Variants in HPDL observed in about 807,000 individuals in gnomAD.
The protein encoded by HPDL is 4-hydroxyphenylpyruvate dioxygenase like.
Under a neutral mutation model 9.8 loss-of-function variants are expected in HPDL, and 7 were observed. The ratio of observed to expected loss-of-function variants is 0.71; its 90% confidence interval spans 0.41 to 1.34. The LOEUF (loss-of-function observed/expected upper bound fraction) is 1.34. HPDL is among the 40% of genes most tolerant of loss of function. HPDL has a pLI of 0.01. For missense variants in HPDL, 530 were observed against 495.1 expected (o/e 1.07, Z -0.67); for synonymous variants, 250 against 228.2 (o/e 1.10, Z -0.86).
chr1:45,327,702 G>C lies in HPDL; in HGVS notation c.554G>C (p.Gly185Ala), dbSNP rs1644253900. The C allele has an allele frequency of 6.2e-7, 1 of 1,610,914 alleles. No homozygotes were observed. The highest frequency in any genetic ancestry group is 1.3e-5 in the African/African-American group (1 of 74,904). ...TLLRWFHDCL[G>A]FCHLPLSPGE... ...TTGCGCTGGTTCCACGACTGCCTGG[G>C]CTTTTGCCACTTGCCGCTGAGCCCA... Residue 185 changes from glycine (G) to alanine (A), a missense_variant, in exon 1 of 1, where the codon GGC (glycine) becomes GCC (alanine). Coordinates refer to ENST00000334815, the MANE Select transcript of HPDL (RefSeq NM_032756.4). The surrounding 1 kb of genome is among the most constrained non-coding windows in gnomAD (Gnocchi z 6.3).
At position 45,327,474 on chromosome 1, in the gene HPDL, T is replaced by C. The variant is rs541194557; in HGVS notation, c.326T>C (p.Val109Ala). Residue 109 changes from valine (V) to alanine (A), a missense_variant, in exon 1 of 1, where the codon GTG becomes GCG. Val to Ala is a moderately conservative substitution (Grantham distance 64). Coordinates refer to ENST00000334815, the MANE Select transcript of HPDL (RefSeq NM_032756.4). This position sits in a 1 kb window ranked among gnomAD's most constrained non-coding sequence, Gnocchi z 6.3. ...AGCGTGCCTGTCCCTCCCGTTCGCG[T>C]GCGGGACGCGCAGGGTGCCGCCACT... is the stretch of plus-strand genomic sequence containing the variant. ...GCSVPVPPVR[V>A]RDAQGAATYA... The C allele has an allele frequency of 6.3e-7, 1 of 1,592,666 alleles. No individual in the cohort carries two copies. Among genetic ancestry groups the C allele is most frequent in the African/African-American group, 1.3e-5 (1 of 74,780 alleles).
chr1:45,328,436 AAG>A lies in HPDL; in HGVS notation c.*175_*176del. 1 of 622,310 alleles carries A rather than the reference AAG, an allele frequency of 1.6e-6. No individual in the cohort carries two copies. The allele number at this position is 622,310 out of a possible 1,614,324, so 38.5% of individuals were successfully genotyped here. On this transcript the variant is annotated 3_prime_UTR_variant, in exon 1 of 1. Coordinates refer to ENST00000334815, the MANE Select transcript of HPDL (RefSeq NM_032756.4). ...AAGCTGTGTCTCTCATTGGGCTCCA[AAG>A]AGGTGGGATTTTTTAAAACTAAAAC...
At position 45,327,516 on chromosome 1, in the gene HPDL, C is replaced by G; in HGVS notation, c.368C>G (p.Ser123Trp). The stretch of plus-strand genomic sequence containing the variant: ...GCCGCCACTTACGCCGTGGTCAGCT[C>G]GCCTGCCGGCATCCTCAGCCTGACC... ...QGAATYAVVS[S>W]PAGILSLTLL... Residue 123 changes from serine to tryptophan, a missense_variant, in exon 1 of 1, where the codon TCG becomes TGG. Ser to Trp is a radical substitution (Grantham distance 177). Coordinates refer to ENST00000334815, the MANE Select transcript of HPDL (RefSeq NM_032756.4). The surrounding 1 kb of genome is among the most constrained non-coding windows in gnomAD (Gnocchi z 6.3). 6.2e-7 allele frequency: 1 copy of G among 1,602,602 alleles called. No individual in the cohort carries two copies. The highest frequency in any genetic ancestry group is 8.5e-7 in the Non-Finnish European group (1 of 1,178,924).
chr1:45,327,669 C>T lies in HPDL; in HGVS notation c.521C>T (p.Pro174Leu), dbSNP rs748374296. The change falls in exon 1 of 1, where the codon CCC becomes CTC. Residue 174 changes from proline to leucine, a missense_variant. Physicochemically the swap from Pro to Leu is moderately conservative, Grantham distance 98. Transcript: ENST00000334815. This position sits in a 1 kb window ranked among gnomAD's most constrained non-coding sequence, Gnocchi z 6.3. ...TTGGCCTGCACCCCCGGCAGCTCCCCCACACTTTTGCGCTGGTTCCACGAC... is the reference window on the plus strand; with the variant it reads ...TTGGCCTGCACCCCCGGCAGCTCCCTCACACTTTTGCGCTGGTTCCACGAC... The part of the protein sequence containing the change: ...LTLACTPGSS[P>L]TLLRWFHDCL... 1 of 1,610,962 alleles carries T rather than the reference C, an allele frequency of 6.2e-7. No individual in the cohort carries two copies. Among genetic ancestry groups the T allele is most frequent in the Non-Finnish European group, 8.5e-7 (1 of 1,178,116 alleles).
rs1412382179 is a variant in HPDL, at chr1:45,327,427, G to A, written c.279G>A (p.Arg93=). 3.2e-6 allele frequency: 5 copies of A among 1,585,936 alleles called. No individual in the cohort carries two copies. The East Asian group carries it at 1.1e-4, about 36-fold the overall frequency. ...TGGCGGACGCCGGCGCTGCAACCCG[G>A]GAGCTGGCAGCGCTGGGCTGCAGCG... is the stretch of plus-strand genomic sequence containing the variant. ...FDVADAGAAT[R]ELAALGCSVP... Residue 93 remains arginine (R), a synonymous_variant, in exon 1 of 1, where the codon CGG becomes CGA. Coordinates refer to ENST00000334815, the MANE Select transcript of HPDL (RefSeq NM_032756.4). The surrounding 1 kb of genome is among the most constrained non-coding windows in gnomAD (Gnocchi z 6.3).
In HPDL at chr1:45,328,021, A is replaced by G; in HGVS notation, c.873A>G (p.Pro291=). 3 of 1,613,972 alleles carry G rather than the reference A, an allele frequency of 1.9e-6. No homozygotes were observed. The highest frequency in any genetic ancestry group is 2.5e-6 in the Non-Finnish European group (3 of 1,179,822). ...LAPPGAYYQQ[P]GKERQIRAAG... is the part of the protein sequence containing the mutation. ...CCCCTGGGGCATACTACCAGCAGCC[A>G]GGAAAGGAGAGGCAGATCCGAGCTG... The change falls in exon 1 of 1, where the codon CCA becomes CCG. Residue 291 remains proline (P), a synonymous_variant. Coordinates refer to ENST00000334815, the MANE Select transcript of HPDL (RefSeq NM_032756.4).
Position 45,328,229 on chromosome 1 carries a change from G to C in HPDL, c.1081G>C (p.Val361Leu). ...QGNIRALWQS[V>L]QEQSARSQEA ...CAACATCAGAGCTCTGTGGCAGTCC[G>C]TACAGGAGCAATCTGCCAGGAGCCA... Residue 361 changes from valine to leucine, a missense_variant, in exon 1 of 1, where the codon GTA (valine) becomes CTA (leucine). By Grantham distance (32) the Val-to-Leu change is conservative. Coordinates refer to ENST00000334815, the MANE Select transcript of HPDL (RefSeq NM_032756.4). The C allele has an allele frequency of 6.2e-7, 1 of 1,614,144 alleles. No individual in the cohort carries two copies. Among genetic ancestry groups the C allele is most frequent in the Non-Finnish European group, 8.5e-7 (1 of 1,179,960 alleles).
chr1:45,327,382 C>T lies in HPDL; in HGVS notation c.234C>T (p.Ala78=), dbSNP rs1312769146. ...GLDPRHAVPS[A]TNLCFDVADA... Reference sequence around the variant, plus strand: ...ATCCGCGTCACGCCGTGCCCAGCGCCACAAACCTGTGCTTCGACGTGGCGG... The same window carrying T: ...ATCCGCGTCACGCCGTGCCCAGCGCTACAAACCTGTGCTTCGACGTGGCGG... Residue 78 remains alanine (A), a synonymous_variant, in exon 1 of 1, where the codon GCC becomes GCT. Coordinates refer to ENST00000334815, the MANE Select transcript of HPDL (RefSeq NM_032756.4). This position sits in a 1 kb window ranked among gnomAD's most constrained non-coding sequence, Gnocchi z 6.3. 1.9e-6 allele frequency: 3 copies of T among 1,586,612 alleles called. No individual in the cohort carries two copies. The highest frequency in any genetic ancestry group is 1.7e-5 in the Admixed American group (1 of 57,650).
Position 45,327,729 on chromosome 1 carries a change from G to A in HPDL, c.581G>A (p.Gly194Asp), listed in dbSNP as rs142248628. 1.7e-5 allele frequency: 28 copies of A among 1,612,752 alleles called. No individual in the cohort carries two copies. Among genetic ancestry groups the A allele is most frequent in the Non-Finnish European group, 2.2e-5 (26 of 1,179,234 alleles). ...TTTTGCCACTTGCCGCTGAGCCCAG[G>A]TGAGGATCCCGAGCTGGGCCTCGAA... The part of the protein sequence containing the change: ...LGFCHLPLSP[G>D]EDPELGLEMT... Residue 194 changes from glycine to aspartate, a missense_variant, in exon 1 of 1, where the codon GGT (glycine) becomes GAT (aspartate). By Grantham distance (94) the Gly-to-Asp change is moderately conservative. Transcript: ENST00000334815. The surrounding 1 kb of genome is among the most constrained non-coding windows in gnomAD (Gnocchi z 6.3).
Position 45,328,547 on chromosome 1 carries a change from A to T in HPDL, c.*283A>T. On this transcript the variant is annotated 3_prime_UTR_variant, in exon 1 of 1. Coordinates refer to ENST00000334815, the MANE Select transcript of HPDL (RefSeq NM_032756.4). ...CACACTAGGAAATAGAACATAACCAATACTTTCGAGTCCTCCCTGTGTCCC... is the reference window on the plus strand; with the variant it reads ...CACACTAGGAAATAGAACATAACCATTACTTTCGAGTCCTCCCTGTGTCCC... The T allele has an allele frequency of 2.8e-6, 1 of 355,246 alleles. No individual in the cohort carries two copies. Among genetic ancestry groups the T allele is most frequent in the East Asian group, 4.8e-5 (1 of 20,808 alleles). 22.0% of individuals were successfully genotyped at this position (355,246 alleles called of 1,614,324 possible).
Position 45,328,057 on chromosome 1 carries a change from G to T in HPDL, c.909G>T (p.Glu303Asp). The T allele has an allele frequency of 6.2e-7, 1 of 1,614,260 alleles. No homozygotes were observed. The highest frequency in any genetic ancestry group is 8.5e-7 in the Non-Finnish European group (1 of 1,180,038). The stretch of plus-strand genomic sequence containing the variant: ...GGCAGATCCGAGCTGCAGGGCACGA[G>T]CCTCATCTGCTTGCTCGACAGGGGA... The part of the protein sequence containing the change: ...KERQIRAAGH[E>D]PHLLARQGIL... Residue 303 changes from glutamate to aspartate, a missense_variant, in exon 1 of 1, where the codon GAG (glutamate) becomes GAT (aspartate). Physicochemically the swap from Glu to Asp is conservative, Grantham distance 45. Transcript: ENST00000334815.
At position 45,327,055 on chromosome 1, in the gene HPDL, T is replaced by G; in HGVS notation, c.-94T>G. The G allele has an allele frequency of 7.5e-7, 1 of 1,337,804 alleles. No homozygotes were observed. 82.9% of individuals were successfully genotyped at this position (1,337,804 alleles called of 1,614,324 possible). A position where few individuals can be genotyped will look rare whatever the true frequency, so the allele number is the denominator to read the frequency against. Reference sequence around the variant, plus strand: ...TGCGGGGTGAGCCGGACTCCCCAACTCCGGACGATCAGCCCAGGACTGAGA... The same window carrying G: ...TGCGGGGTGAGCCGGACTCCCCAACGCCGGACGATCAGCCCAGGACTGAGA... On this transcript the variant is annotated 5_prime_UTR_variant, in exon 1 of 1. Transcript: ENST00000334815. This position sits in a 1 kb window ranked among gnomAD's most constrained non-coding sequence, Gnocchi z 6.3.
At position 45,328,155 on chromosome 1, in the gene HPDL, T is replaced by C. The variant is rs1275645203; in HGVS notation, c.1007T>C (p.Phe336Ser). Residue 336 changes from phenylalanine (F) to serine (S), a missense_variant, in exon 1 of 1, where the codon TTC becomes TCC. By Grantham distance (155) the Phe-to-Ser change is radical (BLOSUM62 -2). Coordinates refer to ENST00000334815, the MANE Select transcript of HPDL (RefSeq NM_032756.4). ...FTKSLFTEDT[F>S]FLELIQRQGA... ...AAGTCCCTTTTTACTGAGGACACTT[T>C]CTTCCTGGAGCTGATTCAGAGGCAG... is the stretch of plus-strand genomic sequence containing the variant. The C allele has an allele frequency of 1.2e-6, 2 of 1,614,138 alleles. No individual in the cohort carries two copies. The highest frequency in any genetic ancestry group is 1.7e-6 in the Non-Finnish European group (2 of 1,180,062).
chr1:45,328,391 A>AT lies in HPDL; in HGVS notation c.*130dup. 2 of 935,440 alleles carry AT rather than the reference A, an allele frequency of 2.1e-6. No individual in the cohort carries two copies. The highest frequency in any genetic ancestry group is 3.2e-6 in the Non-Finnish European group (2 of 630,036). The allele number at this position is 935,440 out of a possible 1,614,324, so 57.9% of individuals were successfully genotyped here. On this transcript the variant is annotated 3_prime_UTR_variant, in exon 1 of 1. Coordinates refer to ENST00000334815, the MANE Select transcript of HPDL (RefSeq NM_032756.4). Reference sequence around the variant, plus strand: ...CCTCCGGGGGGCAGGTGTGACTTCCATTTCATCAGTGCCTGCCAGAAGCTG... The same window carrying AT: ...CCTCCGGGGGGCAGGTGTGACTTCCATTTTCATCAGTGCCTGCCAGAAGCTG...
Position 45,327,280 on chromosome 1 carries a change from G to C in HPDL, c.132G>C (p.Gln44His). Residue 44 changes from glutamine (Q) to histidine (H), a missense_variant, in exon 1 of 1, where the codon CAG (glutamine) becomes CAC (histidine). Physicochemically the swap from Gln to His is conservative, Grantham distance 24 (BLOSUM62 0). Transcript: ENST00000334815. The surrounding 1 kb of genome is among the most constrained non-coding windows in gnomAD (Gnocchi z 6.3). ...CGCGGGAGGTGGACGGCTGGCGGCA[G>C]CTAGCCCTGCGCAGCGGCGACGCGG... ...LASREVDGWR[Q>H]LALRSGDAVF... The C allele has an allele frequency of 6.3e-7, 1 of 1,593,374 alleles. No individual in the cohort carries two copies. The highest frequency in any genetic ancestry group is 8.5e-7 in the Non-Finnish European group (1 of 1,172,300).
Position 45,328,048 on chromosome 1 carries a change from A to C in HPDL, c.900A>C (p.Ala300=), listed in dbSNP as rs370222892. Residue 300 remains alanine, a synonymous_variant, in exon 1 of 1, where the codon GCA becomes GCC. Transcript: ENST00000334815. ...GAAAGGAGAGGCAGATCCGAGCTGC[A>C]GGGCACGAGCCTCATCTGCTTGCTC... The part of the protein sequence containing the change: ...QPGKERQIRA[A]GHEPHLLARQ... 1.9e-6 allele frequency: 3 copies of C among 1,614,238 alleles called. No homozygotes were observed. The highest frequency in any genetic ancestry group is 1.7e-6 in the Non-Finnish European group (2 of 1,180,028).
At position 45,327,265 on chromosome 1, in the gene HPDL, G is replaced by T; in HGVS notation, c.117G>T (p.Val39=). The T allele has an allele frequency of 1.2e-6, 2 of 1,600,152 alleles. No individual in the cohort carries two copies. Among genetic ancestry groups the T allele is most frequent in the Non-Finnish European group, 8.5e-7 (1 of 1,175,574 alleles). The change falls in exon 1 of 1, where the codon GTG becomes GTT. Residue 39 remains valine (V), a synonymous_variant. Transcript: ENST00000334815. This position sits in a 1 kb window ranked among gnomAD's most constrained non-coding sequence, Gnocchi z 6.3. The part of the protein sequence containing the change: ...FGFQPLASRE[V]DGWRQLALRS... Reference sequence around the variant, plus strand: ...TCCAGCCCCTGGCTTCGCGGGAGGTGGACGGCTGGCGGCAGCTAGCCCTGC... The same window carrying T: ...TCCAGCCCCTGGCTTCGCGGGAGGTTGACGGCTGGCGGCAGCTAGCCCTGC...
chr1:45,328,029 A>G lies in HPDL; in HGVS notation c.881A>G (p.Glu294Gly), dbSNP rs1644262702. Residue 294 changes from glutamate (E) to glycine (G), a missense_variant, in exon 1 of 1, where the codon GAG (glutamate) becomes GGG (glycine). Transcript: ENST00000334815. ...PGAYYQQPGKERQIRAAGHEP... is the reference protein window; with the variant it reads ...PGAYYQQPGKGRQIRAAGHEP... ...GCATACTACCAGCAGCCAGGAAAGG[A>G]GAGGCAGATCCGAGCTGCAGGGCAC... The G allele has an allele frequency of 6.2e-7, 1 of 1,614,092 alleles. No individual in the cohort carries two copies. Among genetic ancestry groups the G allele is most frequent in the African/African-American group, 1.3e-5 (1 of 75,052 alleles).
rs773533856 is a variant in HPDL, at chr1:45,328,051, G to C, written c.903G>C (p.Gly301=). The part of the protein sequence containing the change: ...PGKERQIRAA[G]HEPHLLARQG... Reference sequence around the variant, plus strand: ...AGGAGAGGCAGATCCGAGCTGCAGGGCACGAGCCTCATCTGCTTGCTCGAC... The same window carrying C: ...AGGAGAGGCAGATCCGAGCTGCAGGCCACGAGCCTCATCTGCTTGCTCGAC... Residue 301 remains glycine (G), a synonymous_variant, in exon 1 of 1, where the codon GGG becomes GGC. Coordinates refer to ENST00000334815, the MANE Select transcript of HPDL (RefSeq NM_032756.4). The C allele has an allele frequency of 1.2e-6, 2 of 1,614,244 alleles. No homozygotes were observed. Among genetic ancestry groups the C allele is most frequent in the Admixed American group, 3.3e-5 (2 of 60,030 alleles).
Sources: allele counts gnomAD v4.1 joint callset, GRCh38; gene constraint gnomAD v4.1.1; non-coding constraint Gnocchi (gnomAD v3.1); transcripts MANE v1.5; gene names NCBI Gene and HGNC (gene_info 2026-07-23, HGNC 2026-07-21).